Variants in ARMC1 observed in about 807,000 individuals in gnomAD.
The protein encoded by ARMC1 is armadillo repeat-containing protein 1.
ARMC1 carries 16 observed loss-of-function variants against 31.4 expected under a neutral mutation model. The ratio of observed to expected loss-of-function variants is 0.51; its 90% CI spans 0.34 to 0.77. The LOEUF (loss-of-function observed/expected upper bound fraction) is 0.77. Ranked by LOEUF, ARMC1 falls within the 30% of genes least tolerant of loss-of-function variation. The pLI is 0.01. For synonymous variants in ARMC1, 114 were observed against 118.9 expected (o/e 0.96, Z 0.27); for missense variants, 259 against 347.5 (o/e 0.75, Z 2.02).
At chr8:65,617,062 G>A (rs1808285201) in intron 3 of ARMC1, among the ~76,000 whole-genome samples, 1 of 152,122 alleles carries the variant, frequency 6.6e-6, no homozygotes, top group African/African-American at 2.4e-5. Flanking sequence ...CTTCTGCCCA[G>A]CCGCCCCTTC....
intron 3 of ARMC1, among the ~76,000 whole-genome samples, chr8:65,621,634 G>A (rs559283685): frequency 2.6e-5 from 4 of 151,492 alleles, no homozygotes; most frequent in African/African-American, 7.3e-5. Context: ...TCAGCCTCCC[G>A]AGTAGCTGGG....
chr8:65,620,503 T>C (rs148485973), intron 3 of ARMC1, among the ~76,000 whole-genome samples: 3,348 of 142,468 alleles, frequency 0.024, 127 homozygotes, highest in African/African-American at 0.084. Flanking sequence ...GTTTTCACCA[T>C]GTTGGCCAGG....
intron 2 of ARMC1, among the ~76,000 whole-genome samples, chr8:65,625,134 C>A (rs1004625219): frequency 6.6e-5 from 10 of 152,088 alleles, no homozygotes; most frequent in Admixed American, 2.0e-4. Flanking sequence ...AAAACAACAA[C>A]AAAAAAATCT....
chr8:65,611,898 C>T (rs1301443181), intron 4 of ARMC1, among the ~76,000 whole-genome samples: 1 of 151,820 alleles, frequency 6.6e-6, no homozygotes, highest in Non-Finnish European at 1.5e-5. Flanking sequence ...CTCAGCCTCC[C>T]GAGTAGCTGG....
chr8:65,618,419 G>C (rs1436549076), intron 3 of ARMC1, among the ~76,000 whole-genome samples: 1 of 151,546 alleles, frequency 6.6e-6, no homozygotes, highest in Non-Finnish European at 1.5e-5. Flanking sequence ...CTACTCGGGA[G>C]GCCGAGGCAG....
intron 2 of ARMC1, among the ~76,000 whole-genome samples, chr8:65,624,498 CAA>C (rs538324950): frequency 3.1e-5 from 3 of 95,362 alleles, no homozygotes; most frequent in Admixed American, 1.2e-4. Flanking sequence ...GACTCCATCT[CAA>C]AAAAAAAAAA....
chr8:65,621,094 T>A (rs1808384607), intron 3 of ARMC1, among the ~76,000 whole-genome samples: 1 of 152,098 alleles, frequency 6.6e-6, no homozygotes, highest in South Asian at 2.1e-4. Flanking sequence ...CGAGACCCTG[T>A]CTCAAAAAAC....
At chr8:65,611,517 C>G (rs2102648) in intron 4 of ARMC1, among the ~76,000 whole-genome samples, 131,428 of 151,616 alleles carry the variant, frequency 0.87, 57,835 homozygotes, top group Non-Finnish European at 0.93. Flanking sequence ...TGTTGCCTAT[C>G]CAGGAGTGTG....
intron 4 of ARMC1, among the ~76,000 whole-genome samples, chr8:65,609,473 T>C (rs1167508451): frequency 1.3e-5 from 2 of 152,226 alleles, no homozygotes; most frequent in South Asian, 2.1e-4. Flanking sequence ...TCCAGTAAGA[T>C]AGCTGTGGAC....
In ARMC1 at chr8:65,613,278, G is replaced by C. The variant is rs1359383726; in HGVS notation, c.431C>G (p.Thr144Arg). 6.2e-7 allele frequency: 1 copy of C among 1,610,946 alleles called. No homozygotes were observed. Among genetic ancestry groups the C allele is most frequent in the Non-Finnish European group, 8.5e-7 (1 of 1,179,138 alleles). Residue 144 changes from threonine to arginine, a missense_variant, in exon 4 of 7, where the codon ACA (threonine) becomes AGA (arginine). Thr to Arg is a moderately conservative substitution (Grantham distance 71). Transcript: ENST00000276569. ...FLGTTNKRAK[T>R]VVLHIDGLDD... The stretch of plus-strand genomic sequence containing the variant: ...AAGGCCATCTATATGCAAAACCACT[G>C]TTTTGGCACGTTTGTTTGTAGTTCC...
Position 65,604,617 on chromosome 8 carries a change from A to G in ARMC1, c.658-32T>C. On this transcript the variant is annotated intron_variant, in intron 6 of 6. Coordinates refer to ENST00000276569, the MANE Select transcript of ARMC1 (RefSeq NM_018120.6). ...CAGAAAATATTGAGAGTTATTACAA[A>G]ATCAACTTTACTCCTTATTCTAATT... 3 of 1,591,944 alleles carry G rather than the reference A, an allele frequency of 1.9e-6. No homozygotes were observed. The South Asian group carries it at 3.4e-5, about 18-fold the overall frequency.
intron 1 of ARMC1, among the ~76,000 whole-genome samples, chr8:65,632,405 T>C (rs903210779): frequency 2.6e-5 from 4 of 151,858 alleles, no homozygotes; most frequent in Non-Finnish European, 5.9e-5. Context: ...CGAGGTCAGG[T>C]GATTGAGACC....
chr8:65,627,170 A>G, intron 2 of ARMC1, 46 bp downstream of exon 2: 1 of 1,500,226 alleles, frequency 6.7e-7, no homozygotes, highest in East Asian at 2.3e-5. Context: ...TTCTCACCTT[A>G]ACTGCAAAAA....
chr8:65,612,868 T>A (rs945439891), intron 4 of ARMC1, among the ~76,000 whole-genome samples: 2 of 151,864 alleles, frequency 1.3e-5, no homozygotes, highest in African/African-American at 4.8e-5. Flanking sequence ...TCTCAAAAAA[T>A]ATATAAAAAA....
At position 65,605,289 on chromosome 8, in the gene ARMC1, C is replaced by T; in HGVS notation, c.631G>A (p.Val211Ile). Residue 211 changes from valine to isoleucine, a missense_variant, in exon 6 of 7, where the codon GTT (valine) becomes ATT (isoleucine). Physicochemically the swap from Val to Ile is conservative, Grantham distance 29 (BLOSUM62 3). Around this residue, in one of 3 missense-constraint regions of ARMC1, gnomAD observed 73 missense variants for 100.0 expected, o/e 0.73. Coordinates refer to ENST00000276569, the MANE Select transcript of ARMC1 (RefSeq NM_018120.6). ...ASTKVMKAQQ[V>I]VKSESGEEML... ...TCTTCTCCACTTTCACTTTTCACAA[C>T]TTGCTGAGCTTTCATAACCTTGGTT... 6.2e-7 allele frequency: 1 copy of T among 1,613,536 alleles called. No individual in the cohort carries two copies. Among genetic ancestry groups the T allele is most frequent in the Non-Finnish European group, 8.5e-7 (1 of 1,179,886 alleles).
chr8:65,633,902 C>G (rs1228321383), intron 1 of ARMC1, 96 bp downstream of exon 1: 1 of 152,334 alleles, frequency 6.6e-6, no homozygotes, highest in African/African-American at 2.4e-5. Context: ...AGGCGGGGCG[C>G]CCCTCCCAGG....
At chr8:65,606,564 G>T (rs1808009826) in intron 4 of ARMC1, among the ~76,000 whole-genome samples, 1 of 152,044 alleles carries the variant, frequency 6.6e-6, no homozygotes, top group African/African-American at 2.4e-5. Context: ...GCATTCTCAA[G>T]GGTTAGACAT....
At chr8:65,626,727 G>T (rs943898622) in intron 2 of ARMC1, among the ~76,000 whole-genome samples, 3 of 152,032 alleles carry the variant, frequency 2.0e-5, no homozygotes, top group East Asian at 1.9e-4. Context: ...TTGTATAAAA[G>T]AATAAAAACA....
At chr8:65,608,293 G>A (rs780550680) in intron 4 of ARMC1, among the ~76,000 whole-genome samples, 2 of 152,138 alleles carry the variant, frequency 1.3e-5, no homozygotes, top group African/African-American at 2.4e-5. Context: ...TTGTGAGGCC[G>A]AGGCAGGTGG....
Sources: allele counts gnomAD v4.1 joint callset (sites outside exome capture counted in the v4.1 genomes callset), GRCh38; gene constraint gnomAD v4.1.1; regional missense constraint gnomAD v4.1.1; transcripts MANE v1.5; gene names NCBI Gene and HGNC (gene_info 2026-07-23, HGNC 2026-07-21).